Variants in PSMA1 observed in about 807,000 individuals in gnomAD.
PSMA1 encodes proteasome 20S subunit alpha 1, also known as proteasome subunit alpha type-1.
A neutral mutation model predicts 38.4 loss-of-function variants in PSMA1; 3 were observed. The observed-to-expected ratio is 0.08, with a 90% CI of 0.04 to 0.20. PSMA1 has a LOEUF of 0.20. Ranked by LOEUF, PSMA1 falls within the 10% of genes least tolerant of loss-of-function variation. The pLI, the probability that PSMA1 is intolerant of heterozygous loss-of-function variation, is 1.00. For missense variants in PSMA1, 227 were observed against 325.3 expected (o/e 0.70, Z 2.32); for synonymous variants, 101 against 107.1 (o/e 0.94, Z 0.35).
At chr11:14,597,365 A>G (rs1221267259) in intron 2 of PSMA1, among the ~76,000 whole-genome samples, 3 of 152,146 alleles carry the variant, frequency 2.0e-5, no homozygotes, top group Non-Finnish European at 4.4e-5. Context: ...TTGTGAATCC[A>G]TCTGGTCCTG....
Position 14,633,359 on chromosome 11 carries a change from C to T in PSMA1, c.-166+10096G>A, listed in dbSNP as rs572733746. Among the ~76,000 whole-genome samples the T allele has an allele frequency of 6.5e-3, 986 of 152,208 alleles. 8 individuals are homozygous for T. Among genetic ancestry groups the T allele is most frequent in the African/African-American group, 0.022 (928 of 41,492 alleles). On this transcript the variant is annotated intron_variant, in intron 1 of 10. Transcript: ENST00000418988. ...GTTTGTTAGCTTTCCTTCTAACAGA[C>T]AGGACCCTCAGCTGCAGGTCTGTTG...
intron 1 of PSMA1, among the ~76,000 whole-genome samples, chr11:14,629,326 T>C (rs1174511305): frequency 1.3e-5 from 2 of 152,218 alleles, no homozygotes; most frequent in African/African-American, 2.4e-5. Flanking sequence ...CTTTAATCCA[T>C]CTTGAATTGA....
At chr11:14,596,260 AT>A (rs886269515) in intron 2 of PSMA1, among the ~76,000 whole-genome samples, 2 of 151,962 alleles carry the variant, frequency 1.3e-5, no homozygotes, top group African/African-American at 4.8e-5. Flanking sequence ...CTTTAAAGTA[AT>A]TTTTTCCAAT....
At position 14,562,407 on chromosome 11, in the gene PSMA1, A is replaced by G. The variant is rs78201098; in HGVS notation, c.22-43366T>C. ...TTTCCAAGGCACCCAATGGTGCCTC[A>G]ATGGTCTTTAGCCCAGACCTCAATG... On this transcript the variant is annotated intron_variant, in intron 2 of 10. Transcript: ENST00000418988. 9.7e-3 allele frequency among the ~76,000 whole-genome samples: 1,483 copies of G among 152,318 alleles called. 25 individuals are homozygous for G. Among genetic ancestry groups the G allele is most frequent in the African/African-American group, 0.033 (1,388 of 41,568 alleles).
At chr11:14,550,007 T>A (rs1023205000) in intron 2 of PSMA1, among the ~76,000 whole-genome samples, 144 of 152,280 alleles carry the variant, frequency 9.5e-4, no homozygotes, top group African/African-American at 3.2e-3. Flanking sequence ...ACAAAACATA[T>A]CATGGGTAAA....
intron 2 of PSMA1, among the ~76,000 whole-genome samples, chr11:14,561,296 T>C (rs1197207184): frequency 6.6e-6 from 1 of 152,232 alleles, no homozygotes; most frequent in African/African-American, 2.4e-5. Context: ...AACTGAGCTT[T>C]GATCATTGCT....
intron 8 of PSMA1, among the ~76,000 whole-genome samples, chr11:14,509,139 A>G (rs959761003): frequency 6.6e-6 from 1 of 152,164 alleles, no homozygotes; most frequent in African/African-American, 2.4e-5. Context: ...CGTCAATTAG[A>G]CAAAAAGGCA....
chr11:14,600,199 G>C (rs901343286), intron 2 of PSMA1, among the ~76,000 whole-genome samples: 3 of 152,190 alleles, frequency 2.0e-5, no homozygotes, highest in Non-Finnish European at 2.9e-5. Context: ...TTACACGGAG[G>C]TTAGGGATCC....
At chr11:14,563,638 T>C (rs1207858957) in intron 2 of PSMA1, among the ~76,000 whole-genome samples, 2 of 152,164 alleles carry the variant, frequency 1.3e-5, no homozygotes, top group Non-Finnish European at 2.9e-5. Context: ...CATGTTTCTT[T>C]AAAATTATGT....
chr11:14,518,515 CAT>C (rs756225370), intron 2 of PSMA1, among the ~76,000 whole-genome samples: 3 of 152,208 alleles, frequency 2.0e-5, no homozygotes, highest in African/African-American at 4.8e-5. Context: ...CGTTGTCTCA[CAT>C]AGTTACCCAT....
intron 2 of PSMA1, among the ~76,000 whole-genome samples, chr11:14,584,518 T>G (rs1852320947): frequency 1.3e-5 from 2 of 151,104 alleles, no homozygotes; most frequent in African/African-American, 4.9e-5. Flanking sequence ...TTTTTTTTTT[T>G]TTTTTTTTTA....
intron 7 of PSMA1, 38 bp downstream of exon 7, chr11:14,513,532 C>CAAAA (rs59773789): frequency 1.3e-4 from 147 of 1,155,040 alleles, no homozygotes; most frequent in African/African-American, 6.1e-4. Flanking sequence ...CTGGAAAAGG[C>CAAAA]AAAAAAAAAA....
At chr11:14,563,630 T>C (rs1450156) in intron 2 of PSMA1, among the ~76,000 whole-genome samples, 1 of 152,308 alleles carries the variant, frequency 6.6e-6, no homozygotes, top group Non-Finnish European at 1.5e-5. Flanking sequence ...TAAAATATCA[T>C]GTTTCTTTAA....
chr11:14,611,653 G>T (rs890695384), intron 1 of PSMA1, among the ~76,000 whole-genome samples: 2 of 152,104 alleles, frequency 1.3e-5, no homozygotes, highest in African/African-American at 4.8e-5. Context: ...ATTAGGTCAG[G>T]TGTGCATTTT....
At chr11:14,631,724 T>G (rs1565063545) in intron 1 of PSMA1, among the ~76,000 whole-genome samples, 1 of 152,222 alleles carries the variant, frequency 6.6e-6, no homozygotes, top group Non-Finnish European at 1.5e-5. Context: ...GTATCCTTGT[T>G]GACTTTCTGT....
chr11:14,639,039 A>G (rs756121999), intron 1 of PSMA1, among the ~76,000 whole-genome samples: 2 of 152,180 alleles, frequency 1.3e-5, no homozygotes, highest in Non-Finnish European at 2.9e-5. Flanking sequence ...TAAAAGTATA[A>G]TAGTAAATTT....
At chr11:14,516,416 G>C (rs1851430735) in intron 4 of PSMA1, among the ~76,000 whole-genome samples, 1 of 152,100 alleles carries the variant, frequency 6.6e-6, no homozygotes, top group Non-Finnish European at 1.5e-5. Context: ...ATGTTGCCCT[G>C]GTCTCAAATT....
chr11:14,520,647 G>A (rs1851514438), upstream of PSMA1: 3 of 479,316 alleles, frequency 6.3e-6, no homozygotes, highest in Admixed American at 7.5e-5. Context: ...CCCGCTGGCG[G>A]GCTGCATCTA....
At chr11:14,587,117 G>A (rs1394657604) in intron 2 of PSMA1, among the ~76,000 whole-genome samples, 10 of 152,172 alleles carry the variant, frequency 6.6e-5, no homozygotes, top group Admixed American at 6.5e-4. Context: ...CAGGTAGAAA[G>A]GTAGCTTGCT....
Sources: allele counts gnomAD v4.1 joint callset (sites outside exome capture counted in the v4.1 genomes callset), GRCh38; gene constraint gnomAD v4.1.1; transcripts MANE v1.5; gene names NCBI Gene and HGNC (gene_info 2026-07-23, HGNC 2026-07-21).